Variants in ZNF385D observed in about 807,000 individuals in gnomAD.
ZNF385D encodes the protein zinc finger protein 659.
In ZNF385D, 15 loss-of-function variants were observed where a neutral mutation model predicts 35.8. The ratio of observed to expected loss-of-function variants is 0.42; its 90% confidence interval spans 0.28 to 0.64. The LOEUF (loss-of-function observed/expected upper bound fraction) is 0.64. Ranked by LOEUF, ZNF385D falls within the 30% of genes least tolerant of loss-of-function variation. The probability of loss-of-function intolerance (pLI) is 0.23; values close to 1 mark genes in which losing one functional copy is unlikely to be tolerated. For synonymous variants in ZNF385D, 212 were observed against 186.8 expected, an observed-to-expected ratio of 1.13 and a Z score of -1.10; for missense variants, 474 against 494.6, an observed-to-expected ratio of 0.96 and a Z score of 0.39.
chr3:22,184,454 G>A (rs1369824860), intron 2 of ZNF385D, among the ~76,000 whole-genome samples: 2 of 152,134 alleles, frequency 1.3e-5, no homozygotes, highest in East Asian at 1.9e-4. Flanking sequence ...GTGTGCTAAT[G>A]TATAAAACTT....
intron 3 of ZNF385D, among the ~76,000 whole-genome samples, chr3:22,157,696 C>T (rs1705683161): frequency 6.6e-6 from 1 of 152,052 alleles, no homozygotes. Flanking sequence ...GAAATAAAAT[C>T]TTGAAGTAAA....
chr3:22,208,600 T>C (rs1032314772), intron 2 of ZNF385D, among the ~76,000 whole-genome samples: 2 of 151,788 alleles, frequency 1.3e-5, no homozygotes, highest in Admixed American at 6.6e-5. Flanking sequence ...AAATGCTTGA[T>C]GTAATGAATA....
intron 4 of ZNF385D, among the ~76,000 whole-genome samples, chr3:21,437,705 A>AAAAAAAAAAC: frequency 6.9e-6 from 1 of 144,378 alleles, no homozygotes; most frequent in Middle Eastern, 3.6e-3. Flanking sequence ...CTTATACAAA[A>AAAAAAAAAAC]AAAAAAAAAA....
intron 1 of ZNF385D, among the ~76,000 whole-genome samples, chr3:21,696,507 G>A (rs2067476307): frequency 6.6e-6 from 1 of 152,174 alleles, no homozygotes; most frequent in African/African-American, 2.4e-5. Context: ...GCCCATATGA[G>A]TGAAACCCAG....
At chr3:21,963,216 G>T (rs569096748) in intron 3 of ZNF385D, among the ~76,000 whole-genome samples, 72 of 152,292 alleles carry the variant, frequency 4.7e-4, no homozygotes, top group African/African-American at 1.7e-3. Context: ...CAGCAGTCAT[G>T]TGGGAGAAGT....
intron 3 of ZNF385D, among the ~76,000 whole-genome samples, chr3:22,157,617 G>A (rs895082086): frequency 6.6e-6 from 1 of 151,986 alleles, no homozygotes; most frequent in Non-Finnish European, 1.5e-5. Flanking sequence ...TAAAACTACA[G>A]TTTTTTAACC....
At position 21,841,090 on chromosome 3, in the gene ZNF385D, G is replaced by A. The variant is rs116647568; in HGVS notation, c.326-176062C>T. 3.6e-3 allele frequency among the ~76,000 whole-genome samples: 545 copies of A among 152,064 alleles called. 1 individual carries two copies. The highest frequency in any genetic ancestry group is 0.012 in the African/African-American group (517 of 41,524). On this transcript the variant is annotated intron_variant, in intron 3 of 5. Transcript: ENST00000494108. Reference sequence around the variant, plus strand: ...TAGCAAGTTTCATGAGAAAAGAATCGTCAAAGGCAATGAAGCAAGGACATT... The same window carrying A: ...TAGCAAGTTTCATGAGAAAAGAATCATCAAAGGCAATGAAGCAAGGACATT...
rs138053795 is a variant in ZNF385D at position 22,079,083 on chromosome 3, G to C, written c.325+89734C>G. Reference sequence around the variant, plus strand: ...GTGGAATCAAAGTTAGTCAAAAAATGTGAACAGAAGTGTGGATTAAATAGG... The same window carrying C: ...GTGGAATCAAAGTTAGTCAAAAAATCTGAACAGAAGTGTGGATTAAATAGG... On this transcript the variant is annotated intron_variant, in intron 3 of 5. Transcript: ENST00000494108. Among the ~76,000 whole-genome samples, 13 of 152,124 alleles carry C rather than the reference G, an allele frequency of 8.5e-5. No individual in the cohort carries two copies. The East Asian group carries it at 2.3e-3, about 27-fold the overall frequency.
At chr3:22,040,479 T>C (rs911151203) in intron 3 of ZNF385D, among the ~76,000 whole-genome samples, 4 of 152,152 alleles carry the variant, frequency 2.6e-5, no homozygotes, top group African/African-American at 7.2e-5. Flanking sequence ...ACAGTCCTGA[T>C]GGGTGATAGG....
At chr3:22,047,132 A>T (rs138372835) in intron 3 of ZNF385D, among the ~76,000 whole-genome samples, 70 of 152,260 alleles carry the variant, frequency 4.6e-4, no homozygotes, top group African/African-American at 1.7e-3. Flanking sequence ...AATAAAAATT[A>T]TACACATGTA....
At chr3:22,016,156 G>C (rs763123964) in intron 3 of ZNF385D, among the ~76,000 whole-genome samples, 5 of 152,074 alleles carry the variant, frequency 3.3e-5, no homozygotes, top group Non-Finnish European at 7.4e-5. Context: ...CTAGATCAGA[G>C]TTTCCCAACC....
rs556599459 is a variant in ZNF385D at position 21,418,839 on chromosome 3, T to C, written c.*2375A>G. The C allele has an allele frequency of 6.6e-6, 1 of 152,228 alleles. No individual in the cohort carries two copies. The highest frequency in any genetic ancestry group is 2.1e-4 in the South Asian group (1 of 4,820). 9.4% of individuals were successfully genotyped at this position (152,228 alleles called of 1,614,324 possible). ...AGGATGATTATGGAAAATCAAAATATTTGACATAGCAGAAAAGGGAAACTA... is the reference window on the plus strand; with the variant it reads ...AGGATGATTATGGAAAATCAAAATACTTGACATAGCAGAAAAGGGAAACTA... On this transcript the variant is annotated 3_prime_UTR_variant, in exon 8 of 8. Transcript: ENST00000281523.
intron 3 of ZNF385D, among the ~76,000 whole-genome samples, chr3:21,885,298 TA>T (rs1698483710): frequency 2.0e-5 from 3 of 152,044 alleles, no homozygotes; most frequent in Non-Finnish European, 2.9e-5. Context: ...TAACATAAAC[TA>T]AAATATCAAC....
intron 3 of ZNF385D, among the ~76,000 whole-genome samples, chr3:21,856,847 C>A (rs1696741031): frequency 6.6e-6 from 1 of 152,004 alleles, no homozygotes; most frequent in African/African-American, 2.4e-5. Context: ...AATTACGGAT[C>A]AAAGGAGATT....
chr3:22,177,790 G>A (rs1694936222), intron 2 of ZNF385D, among the ~76,000 whole-genome samples: 1 of 152,106 alleles, frequency 6.6e-6, no homozygotes, highest in African/African-American at 2.4e-5. Flanking sequence ...GTGCCCATGT[G>A]TTCTCACTGT....
upstream of ZNF385D, among the ~76,000 whole-genome samples, chr3:21,752,007 A>ACCCCCCCCCCCCCCCCCCCCC (rs71044940): frequency 1.1e-5 from 1 of 88,584 alleles, no homozygotes; most frequent in Non-Finnish European, 2.1e-5. Flanking sequence ...ACACACACCC[A>ACCCCCCCCCCCCCCCCCCCCC]CCCCCCTCCC....
At chr3:22,089,899 C>A (rs1267791139) in intron 3 of ZNF385D, among the ~76,000 whole-genome samples, 2 of 152,230 alleles carry the variant, frequency 1.3e-5, no homozygotes, top group East Asian at 3.9e-4. Flanking sequence ...GCTGCAGTGG[C>A]ATGATCTTGG....
At chr3:21,757,283 C>T (rs1008890499) in intron 3 of ZNF385D, among the ~76,000 whole-genome samples, 1 of 151,938 alleles carries the variant, frequency 6.6e-6, no homozygotes, top group African/African-American at 2.4e-5. Flanking sequence ...GCTGGGACTA[C>T]AGGAGCATGC....
At chr3:22,215,511 T>C (rs961291522) in intron 2 of ZNF385D, among the ~76,000 whole-genome samples, 3 of 151,930 alleles carry the variant, frequency 2.0e-5, no homozygotes, top group Admixed American at 6.6e-5. Context: ...TCTCCCATAG[T>C]GCTCCCAGGC....
Sources: allele counts gnomAD v4.1 joint callset (sites outside exome capture counted in the v4.1 genomes callset), GRCh38; gene constraint gnomAD v4.1.1; transcripts MANE v1.5; gene names NCBI Gene and HGNC (gene_info 2026-07-23, HGNC 2026-07-21).